Variants in SDCBP observed in about 807,000 individuals in gnomAD.
SDCBP encodes syndecan binding protein, also known as syntenin-1.
In SDCBP, 22 loss-of-function variants were observed where a neutral mutation model predicts 30.5. The ratio of observed to expected loss-of-function variants is 0.72; its 90% CI spans 0.52 to 1.03. The LOEUF is 1.03. Among genes scored for constraint, SDCBP ranks in the 50% least tolerant of loss-of-function variants. The pLI is 0.00. For missense variants in SDCBP, 304 were observed against 369.9 expected, an observed-to-expected ratio of 0.82 and a Z score of 1.46; for synonymous variants, 103 against 118.7, an observed-to-expected ratio of 0.87 and a Z score of 0.86.
At chr8:58,577,939 G>C in intron 5 of SDCBP, 94 bp from the exon 6 acceptor site, 1 of 972,274 alleles carries the variant, frequency 1.0e-6, no homozygotes, top group Non-Finnish European at 1.6e-6. Flanking sequence ...CTGGGGTAGA[G>C]TTTTCAACAT....
At chr8:58,565,928 C>G (rs1026626714) in intron 2 of SDCBP, among the ~76,000 whole-genome samples, 4 of 152,048 alleles carry the variant, frequency 2.6e-5, no homozygotes, top group Non-Finnish European at 5.9e-5. Flanking sequence ...GGGTCCCTGT[C>G]TTCAATTTAC....
At chr8:58,554,149 A>C (rs142008525) in intron 1 of SDCBP, among the ~76,000 whole-genome samples, 442 of 152,350 alleles carry the variant, frequency 2.9e-3, no homozygotes, top group African/African-American at 0.011. Flanking sequence ...AACCACATAC[A>C]CATTTACTGT....
chr8:58,580,289 TATTC>T (rs1456270380), intron 7 of SDCBP, among the ~76,000 whole-genome samples: 1 of 152,194 alleles, frequency 6.6e-6, no homozygotes, highest in Non-Finnish European at 1.5e-5. Flanking sequence ...AATTATCTAA[TATTC>T]AGAAAGGAAA....
chr8:58,571,715 TA>T (rs766488206), intron 3 of SDCBP, among the ~76,000 whole-genome samples: 1 of 152,160 alleles, frequency 6.6e-6, no homozygotes, highest in Non-Finnish European at 1.5e-5. Flanking sequence ...TTAAAATTAT[TA>T]AAATGATAAG....
intron 1 of SDCBP, chr8:58,561,186 A>G (rs1804422358): frequency 6.6e-6 from 1 of 152,228 alleles, no homozygotes; most frequent in East Asian, 1.9e-4. Context: ...TCAGAGAAGC[A>G]AAAAGAAAAA....
At chr8:58,553,767 C>T (rs1173541043) in intron 1 of SDCBP, among the ~76,000 whole-genome samples, 2 of 152,244 alleles carry the variant, frequency 1.3e-5, no homozygotes, top group African/African-American at 2.4e-5. Context: ...TGCTTAATCG[C>T]CCTTCTTTTG....
At position 58,570,945 on chromosome 8, in the gene SDCBP, C is replaced by G; in HGVS notation, c.110C>G (p.Ala37Gly). The change falls in exon 3 of 9, where the codon GCT becomes GGT. Residue 37 changes from alanine (A) to glycine (G), a missense_variant. Transcript: ENST00000260130. ...ANPAILSEAS[A>G]PIPHDGNLYP... ...CCAGCAATTTTGTCAGAAGCTTCTG[C>G]TCCTATCCCTCACGATGGAAGTAGG... The G allele has an allele frequency of 6.2e-7, 1 of 1,611,866 alleles. No homozygotes were observed. The highest frequency in any genetic ancestry group is 8.5e-7 in the Non-Finnish European group (1 of 1,178,196).
intron 1 of SDCBP, among the ~76,000 whole-genome samples, chr8:58,555,579 T>G (rs1225590896): frequency 6.6e-6 from 1 of 152,168 alleles, no homozygotes; most frequent in Non-Finnish European, 1.5e-5. Context: ...GGAAGCTGTT[T>G]TTATAATAAC....
chr8:58,577,664 AT>A (rs1805419176), intron 5 of SDCBP, among the ~76,000 whole-genome samples: 4 of 152,198 alleles, frequency 2.6e-5, no homozygotes, highest in Admixed American at 1.3e-4. Context: ...TGTACTGATA[AT>A]TTGGTATTCT....
chr8:58,562,459 G>A (rs375912857), intron 1 of SDCBP, among the ~76,000 whole-genome samples: 1 of 152,152 alleles, frequency 6.6e-6, no homozygotes, highest in Non-Finnish European at 1.5e-5. Context: ...CAAATGTACA[G>A]TACTCAAGAA....
At chr8:58,578,635 G>A (rs1805485043) in intron 6 of SDCBP, among the ~76,000 whole-genome samples, 1 of 152,148 alleles carries the variant, frequency 6.6e-6, no homozygotes, top group Non-Finnish European at 1.5e-5. Context: ...TGAAGCAGTA[G>A]TTTTCAAGAA....
Position 58,581,765 on chromosome 8 carries a change from G to C in SDCBP, c.*25G>C, listed in dbSNP as rs759067145. 1.2e-5 allele frequency: 19 copies of C among 1,602,220 alleles called. No individual in the cohort carries two copies. In the African/African-American group the frequency reaches 2.4e-4, roughly 20 times the overall value. ...AAATTCACGGCACCATGGAAATGTA[G>C]CTGAACGTCTCCAGTTTCCTTCTTT... On this transcript the variant is annotated 3_prime_UTR_variant, in exon 9 of 9. Coordinates refer to ENST00000260130, the MANE Select transcript of SDCBP (RefSeq NM_005625.4).
intron 1 of SDCBP, chr8:58,560,970 T>C (rs762321710): frequency 6.6e-6 from 1 of 152,184 alleles, no homozygotes; most frequent in Non-Finnish European, 1.5e-5. Flanking sequence ...ACCATAAACA[T>C]GTTCAGTGAC....
Position 58,575,975 on chromosome 8 carries a change from G to C in SDCBP, c.316G>C (p.Ala106Pro). ...TGGTAATGATGTTGGAATTCGTAGA[G>C]CAGAAATTAAGCAAGGGATTCGTGA... is the stretch of plus-strand genomic sequence containing the variant. The part of the protein sequence containing the change: ...VTGNDVGIRR[A>P]EIKQGIREVI... Residue 106 changes from alanine to proline, a missense_variant, in exon 5 of 9, where the codon GCA becomes CCA. By Grantham distance (27) the Ala-to-Pro change is conservative. Coordinates refer to ENST00000260130, the MANE Select transcript of SDCBP (RefSeq NM_005625.4). The C allele has an allele frequency of 6.2e-7, 1 of 1,613,600 alleles. No homozygotes were observed. Among genetic ancestry groups the C allele is most frequent in the Non-Finnish European group, 8.5e-7 (1 of 1,179,632 alleles).
chr8:58,565,257 A>T (rs910866016), intron 2 of SDCBP, among the ~76,000 whole-genome samples, 173 bp downstream of exon 2: 7 of 149,878 alleles, frequency 4.7e-5, no homozygotes, highest in Non-Finnish European at 8.9e-5. Flanking sequence ...AAAATTAGCA[A>T]TTTTTTTTTT....
chr8:58,575,568 G>A (rs1009857970), intron 4 of SDCBP, among the ~76,000 whole-genome samples: 5 of 152,118 alleles, frequency 3.3e-5, no homozygotes, highest in African/African-American at 1.2e-4. Flanking sequence ...TGAACCGTCT[G>A]GAAAATGTTT....
chr8:58,581,626 T>C (rs1383399597), intron 8 of SDCBP, 60 bp from the exon 9 acceptor site: 5 of 1,265,532 alleles, frequency 4.0e-6, no homozygotes, highest in Non-Finnish European at 5.8e-6. Context: ...TGGATTAATG[T>C]AGCATTTTGA....
chr8:58,555,122 C>A (rs1334054167), intron 1 of SDCBP, among the ~76,000 whole-genome samples: 2 of 152,098 alleles, frequency 1.3e-5, no homozygotes, highest in Non-Finnish European at 2.9e-5. Context: ...TATTTTGGAG[C>A]TTTTCTAATA....
intron 6 of SDCBP, among the ~76,000 whole-genome samples, chr8:58,579,421 G>A (rs1292403024): frequency 6.6e-6 from 1 of 152,080 alleles, no homozygotes; most frequent in Non-Finnish European, 1.5e-5. Flanking sequence ...TAGTAAATCA[G>A]TCAAACCATA....
Sources: gnomAD v4.1 joint callset for allele counts (sites outside exome capture counted in the v4.1 genomes callset) on GRCh38, gnomAD v4.1.1 for gene constraint, MANE v1.5 for transcripts, NCBI Gene and HGNC (gene_info 2026-07-23, HGNC 2026-07-21) for gene names.